Variants in UBE2E2 observed in about 807,000 individuals in gnomAD.
UBE2E2 encodes the protein ubiquitin-conjugating enzyme E2 E2.
In UBE2E2, 6 loss-of-function variants were observed where a neutral mutation model predicts 24.7. That is an observed-to-expected ratio of 0.24 (90% confidence interval 0.13 to 0.48). The LOEUF (loss-of-function observed/expected upper bound fraction) is 0.48. Ranked by LOEUF, UBE2E2 falls within the 20% of genes least tolerant of loss-of-function variation. UBE2E2 has a pLI of 0.99. For missense variants in UBE2E2, 169 were observed against 245.0 expected (o/e 0.69, Z 2.07); for synonymous variants, 104 against 83.6 (o/e 1.24, Z -1.33).
At chr3:23,264,371 G>GA (rs796834059) in intron 3 of UBE2E2, among the ~76,000 whole-genome samples, 1,515 of 138,084 alleles carry the variant, frequency 0.011, 18 homozygotes, top group South Asian at 0.067. Flanking sequence ...AAAGGAAAAG[G>GA]AAAAAAAAAA....
At chr3:23,468,553 A>G (rs17013314) in intron 3 of UBE2E2, among the ~76,000 whole-genome samples, 4,231 of 152,354 alleles carry the variant, frequency 0.028, 107 homozygotes, top group East Asian at 0.13. Flanking sequence ...AGTAATGGAA[A>G]TGTAATGGAG....
In UBE2E2 at chr3:23,589,304, C is replaced by T. The variant is rs1696705318; in HGVS notation, c.509-430C>T. Among the ~76,000 whole-genome samples, 1 of 151,954 alleles carries T rather than the reference C, an allele frequency of 6.6e-6. No individual in the cohort carries two copies. Among genetic ancestry groups the T allele is most frequent in the East Asian group, 1.9e-4 (1 of 5,142 alleles). On this transcript the variant is annotated intron_variant, in intron 5 of 5. Coordinates refer to ENST00000396703, the MANE Select transcript of UBE2E2 (RefSeq NM_152653.4). This position sits in a 1 kb window ranked among gnomAD's most constrained non-coding sequence, Gnocchi z 4.1. ...GTGTTGTTGCACACACCTGTGGTCC[C>T]AGCTACTCAGGAGGCTGAGGCAGGA...
At chr3:23,552,712 G>A (rs1295844198) in intron 5 of UBE2E2, among the ~76,000 whole-genome samples, 1 of 152,152 alleles carries the variant, frequency 6.6e-6, no homozygotes, top group Non-Finnish European at 1.5e-5. Flanking sequence ...TGGCATTTCT[G>A]TTAGCTGACC....
At chr3:23,350,469 A>G (rs893946315) in intron 3 of UBE2E2, among the ~76,000 whole-genome samples, 2 of 152,220 alleles carry the variant, frequency 1.3e-5, no homozygotes, top group Non-Finnish European at 2.9e-5. Context: ...ACCAAAGGCA[A>G]AGAAGTAAAA....
At chr3:23,363,739 G>A (rs897217618) in intron 3 of UBE2E2, among the ~76,000 whole-genome samples, 3 of 151,974 alleles carry the variant, frequency 2.0e-5, no homozygotes, top group African/African-American at 4.8e-5. Flanking sequence ...GAAGATCATG[G>A]GGCAGAAAAC....
At chr3:23,489,839 C>T (rs1161709709) in intron 3 of UBE2E2, among the ~76,000 whole-genome samples, 7 of 152,144 alleles carry the variant, frequency 4.6e-5, no homozygotes, top group Non-Finnish European at 5.9e-5. Context: ...TTAATATTAT[C>T]GCCTTTGAAA....
In UBE2E2 at chr3:23,590,498, A is replaced by T. The variant is rs199757505; in HGVS notation, c.*667A>T. ...TAAAGTGCTTGTAAATTTCTTAGGG[A>T]CCTGCCACTTTTGACTGTGGATCAG... On this transcript the variant is annotated 3_prime_UTR_variant, in exon 6 of 6. Coordinates refer to ENST00000396703, the MANE Select transcript of UBE2E2 (RefSeq NM_152653.4). 6.6e-6 allele frequency: 1 copy of T among 152,168 alleles called. No individual in the cohort carries two copies. The highest frequency in any genetic ancestry group is 2.4e-5 in the African/African-American group (1 of 41,400). 9.4% of individuals were successfully genotyped at this position (152,168 alleles called of 1,614,324 possible). A position where few individuals can be genotyped will look rare whatever the true frequency, so the allele number is the denominator to read the frequency against.
chr3:23,425,397 CT>C (rs1324566963), intron 3 of UBE2E2, among the ~76,000 whole-genome samples: 1 of 152,120 alleles, frequency 6.6e-6, no homozygotes, highest in African/African-American at 2.4e-5. Flanking sequence ...CCATCTGTCT[CT>C]GAAATTTGTT....
intron 3 of UBE2E2, among the ~76,000 whole-genome samples, chr3:23,495,363 A>T (rs1476172534): frequency 1.3e-5 from 2 of 152,184 alleles, no homozygotes; most frequent in African/African-American, 4.8e-5. Context: ...TCCCTTCCTC[A>T]GCCACACTAT....
chr3:23,554,771 A>G (rs1057375463), intron 5 of UBE2E2, among the ~76,000 whole-genome samples: 2 of 152,176 alleles, frequency 1.3e-5, no homozygotes, highest in Non-Finnish European at 2.9e-5. Context: ...AGAAACAACA[A>G]AATGGAAAAG....
chr3:23,535,564 G>A (rs1259714519), intron 5 of UBE2E2, among the ~76,000 whole-genome samples: 1 of 151,046 alleles, frequency 6.6e-6, no homozygotes. Flanking sequence ...TCTAACTGCT[G>A]GTCTTATTAG....
At chr3:23,350,078 A>C (rs188468043) in intron 3 of UBE2E2, among the ~76,000 whole-genome samples, 4,449 of 152,276 alleles carry the variant, frequency 0.029, 118 homozygotes, top group East Asian at 0.13. Context: ...TGCCGTTCAC[A>C]AAAATCCGCT....
intron 3 of UBE2E2, among the ~76,000 whole-genome samples, chr3:23,271,733 G>A (rs899126141): frequency 6.6e-6 from 1 of 152,088 alleles, no homozygotes; most frequent in African/African-American, 2.4e-5. Flanking sequence ...GCACTGATTG[G>A]TGTGTTTACA....
At chr3:23,389,288 T>C (rs1022837255) in intron 3 of UBE2E2, among the ~76,000 whole-genome samples, 7 of 152,228 alleles carry the variant, frequency 4.6e-5, no homozygotes, top group Non-Finnish European at 7.3e-5. Flanking sequence ...AAGCAAGCTC[T>C]GTGAGTTGTG....
At chr3:23,306,121 C>T (rs141036235) in intron 3 of UBE2E2, among the ~76,000 whole-genome samples, 202 of 152,264 alleles carry the variant, frequency 1.3e-3, no homozygotes, top group African/African-American at 4.5e-3. Flanking sequence ...TAGCAACCTA[C>T]GTGGCCACTG....
At chr3:23,322,813 T>C (rs1212792243) in intron 3 of UBE2E2, among the ~76,000 whole-genome samples, 2 of 152,016 alleles carry the variant, frequency 1.3e-5, no homozygotes, top group East Asian at 1.9e-4. Context: ...GTATTTTCTC[T>C]ATAATTTAAT....
chr3:23,223,014 G>GCC (rs368747645), intron 3 of UBE2E2, among the ~76,000 whole-genome samples: 89 of 65,460 alleles, frequency 1.4e-3, no homozygotes, highest in African/African-American at 4.3e-3. Flanking sequence ...TACATCTTTT[G>GCC]CCCCCCCCCC....
intron 5 of UBE2E2, among the ~76,000 whole-genome samples, chr3:23,569,949 G>T (rs977358590): frequency 4.6e-5 from 7 of 152,076 alleles, no homozygotes; most frequent in African/African-American, 1.7e-4. Context: ...TCCAGTTACT[G>T]CCTTAGGCTA....
chr3:23,558,564 TAA>T (rs77650830), intron 5 of UBE2E2, among the ~76,000 whole-genome samples: 78,816 of 151,850 alleles, frequency 0.52, 20,826 homozygotes, highest in East Asian at 0.73. Flanking sequence ...TTTTCTGAAA[TAA>T]AGACTCTCTT....
Sources: allele counts gnomAD v4.1 joint callset (sites outside exome capture counted in the v4.1 genomes callset), GRCh38; gene constraint gnomAD v4.1.1; non-coding constraint Gnocchi (gnomAD v3.1); transcripts MANE v1.5; gene names NCBI Gene and HGNC (gene_info 2026-07-23, HGNC 2026-07-21).